The following GRM7 variants were observed in gnomAD, a reference collection of about 807,000 sequenced individuals.
GRM7 encodes the protein metabotropic glutamate receptor 7.
A neutral mutation model predicts 84.5 loss-of-function variants in GRM7; 35 were observed. That is an observed-to-expected ratio of 0.41 (90% CI 0.32 to 0.55). The LOEUF (loss-of-function observed/expected upper bound fraction) is 0.55, where lower values mean the gene tolerates loss of function less well. Among genes scored for constraint, GRM7 ranks in the 20% least tolerant of loss-of-function variants. GRM7 has a pLI of 0.19. For missense variants in GRM7, 1,003 were observed against 1,194.6 expected, an observed-to-expected ratio of 0.84 and a Z score of 2.36; for synonymous variants, 487 against 455.1, an observed-to-expected ratio of 1.07 and a Z score of -0.89.
intron 4 of GRM7, among the ~76,000 whole-genome samples, chr3:7,376,851 G>C (rs1302629668): frequency 6.6e-6 from 1 of 152,094 alleles, no homozygotes; most frequent in East Asian, 1.9e-4. Flanking sequence ...GGACAAAGAG[G>C]GTTTTTCTGT....
chr3:7,031,503 G>T (rs868230699), intron 1 of GRM7, among the ~76,000 whole-genome samples: 1 of 151,634 alleles, frequency 6.6e-6, no homozygotes, highest in Non-Finnish European at 1.5e-5. Context: ...TGCAAGCTCC[G>T]CCTCCCGGGT....
rs1001133839 is a variant in GRM7, at chr3:7,415,017, G to C, written c.1034-6G>C. On this transcript the variant is annotated splice_region_variant and splice_polypyrimidine_tract_variant and intron_variant, in intron 4 of 9. Coordinates refer to ENST00000357716, the MANE Select transcript of GRM7 (RefSeq NM_000844.4). ...AGCAATGACCTTTTCATTTAACTCT[G>C]TTTAGGGTTTGATGCCTACTTTACG... 1.9e-6 allele frequency: 3 copies of C among 1,610,232 alleles called. No individual in the cohort carries two copies. The East Asian group carries it at 6.7e-5, about 36-fold the overall frequency.
At position 7,618,249 on chromosome 3, in the gene GRM7, C is replaced by T. The variant is rs931789740; in HGVS notation, c.2451+38892C>T. On this transcript the variant is annotated intron_variant, in intron 8 of 9. Coordinates refer to ENST00000357716, the MANE Select transcript of GRM7 (RefSeq NM_000844.4). The stretch of plus-strand genomic sequence containing the variant: ...TCATCATTCTGGGCTTCAGTTTCTT[C>T]ATTTGTAACATGGAGAAATAATGTT... 3.0e-4 allele frequency among the ~76,000 whole-genome samples: 46 copies of T among 152,052 alleles called. 1 individual carries two copies. The highest frequency in any genetic ancestry group is 6.6e-5 in the Admixed American group (1 of 15,244).
chr3:7,503,811 A>G (rs969137954), intron 7 of GRM7, among the ~76,000 whole-genome samples: 1 of 152,162 alleles, frequency 6.6e-6, no homozygotes, highest in Non-Finnish European at 1.5e-5. Context: ...GCCAGACGAG[A>G]TATATAAAGA....
At chr3:7,605,670 G>C (rs534735410) in intron 8 of GRM7, among the ~76,000 whole-genome samples, 19 of 151,746 alleles carry the variant, frequency 1.3e-4, no homozygotes, top group Non-Finnish European at 2.4e-4. Context: ...TGCATCCCCA[G>C]TTGAAATCTA....
intron 2 of GRM7, among the ~76,000 whole-genome samples, chr3:7,230,206 G>A (rs1697149715): frequency 6.6e-6 from 1 of 151,992 alleles, no homozygotes; most frequent in Non-Finnish European, 1.5e-5. Context: ...TCAATTAATA[G>A]TGAAATAAAC....
chr3:6,949,069 T>C (rs1164144785), intron 1 of GRM7, among the ~76,000 whole-genome samples: 5 of 152,190 alleles, frequency 3.3e-5, no homozygotes, highest in African/African-American at 1.2e-4. Flanking sequence ...AAGGTTAGTA[T>C]TGTTATGTGT....
At chr3:7,576,205 C>A (rs190718826) in intron 7 of GRM7, among the ~76,000 whole-genome samples, 3 of 152,130 alleles carry the variant, frequency 2.0e-5, no homozygotes, top group African/African-American at 4.8e-5. Context: ...AAAGTTAATG[C>A]GATCTTTCTC....
chr3:7,076,257 C>T (rs916045184), intron 1 of GRM7, among the ~76,000 whole-genome samples: 2 of 152,110 alleles, frequency 1.3e-5, no homozygotes, highest in African/African-American at 4.8e-5. Flanking sequence ...CCATTGTTTT[C>T]TTCCTGCACC....
intron 4 of GRM7, among the ~76,000 whole-genome samples, chr3:7,350,096 C>T (rs965623877): frequency 2.0e-5 from 3 of 152,116 alleles, no homozygotes; most frequent in Non-Finnish European, 2.9e-5. Context: ...TACCTAATCA[C>T]AAAACATAAG....
intron 5 of GRM7, among the ~76,000 whole-genome samples, chr3:7,423,063 A>G (rs1696462627): frequency 6.6e-6 from 1 of 152,152 alleles, no homozygotes. Flanking sequence ...TGGACCCTGC[A>G]GTAAATAAAT....
At chr3:7,079,792 T>C (rs995204786) in intron 1 of GRM7, among the ~76,000 whole-genome samples, 9 of 152,178 alleles carry the variant, frequency 5.9e-5, no homozygotes, top group African/African-American at 1.9e-4. Context: ...ATTTTAGTTA[T>C]GTTATTTAAT....
At chr3:7,690,312 C>A (rs1301428012) in intron 9 of GRM7, among the ~76,000 whole-genome samples, 1 of 152,148 alleles carries the variant, frequency 6.6e-6, no homozygotes, top group African/African-American at 2.4e-5. Context: ...GCGCACAATA[C>A]TTCCCATACC....
chr3:7,512,445 A>T (rs1196711434), intron 7 of GRM7, among the ~76,000 whole-genome samples: 1 of 152,218 alleles, frequency 6.6e-6, no homozygotes, highest in Admixed American at 6.5e-5. Flanking sequence ...CACAGTGGGT[A>T]AAGAGAATGA....
chr3:7,539,630 G>A lies in GRM7; in HGVS notation c.1516-38792G>A, dbSNP rs562688777. Among the ~76,000 whole-genome samples the A allele has an allele frequency of 3.8e-3, 556 of 144,894 alleles. 7 individuals are homozygous for A. Among genetic ancestry groups the A allele is most frequent in the African/African-American group, 2.7e-3 (105 of 38,384 alleles). ...GTGGAGGTTGCAGTGAGTTGAGATC[G>A]CGCCACTGCACTCCAGCCTGGGCGA... On this transcript the variant is annotated intron_variant, in intron 7 of 9. Coordinates refer to ENST00000357716, the MANE Select transcript of GRM7 (RefSeq NM_000844.4).
At chr3:7,322,221 C>G (rs1159610546) in intron 4 of GRM7, among the ~76,000 whole-genome samples, 1 of 151,812 alleles carries the variant, frequency 6.6e-6, no homozygotes, top group African/African-American at 2.4e-5. Context: ...GCCAGGTATA[C>G]AAAATACCAT....
intron 2 of GRM7, among the ~76,000 whole-genome samples, chr3:7,275,984 T>TTGCTCTGGTAAGCTGTGA (rs1699037622): frequency 6.6e-6 from 1 of 152,140 alleles, no homozygotes. Context: ...TCATGAGTTT[T>TTGCTCTGGTAAGCTGTGA]TGCTCTGGTA....
chr3:7,312,854 A>T (rs1201252122), intron 4 of GRM7, among the ~76,000 whole-genome samples: 1 of 151,808 alleles, frequency 6.6e-6, no homozygotes, highest in African/African-American at 2.4e-5. Flanking sequence ...ATAAACTGTG[A>T]TTGTCCCAGC....
At position 7,325,946 on chromosome 3, in the gene GRM7, G is replaced by C. The variant is rs533848815; in HGVS notation, c.1033+19294G>C. On this transcript the variant is annotated intron_variant, in intron 4 of 9. Coordinates refer to ENST00000357716, the MANE Select transcript of GRM7 (RefSeq NM_000844.4). ...GAGAAACAGCACCAAAGCCAGACCT[G>C]AATGTGTGTTTCATCGTAATGAGTA... Among the ~76,000 whole-genome samples, 10 of 152,176 alleles carry C rather than the reference G, an allele frequency of 6.6e-5. No homozygotes were observed. In the East Asian group the frequency reaches 1.7e-3, roughly 27 times the overall value.
Sources: gnomAD v4.1 joint callset for allele counts (sites outside exome capture counted in the v4.1 genomes callset) on GRCh38, gnomAD v4.1.1 for gene constraint, MANE v1.5 for transcripts, NCBI Gene and HGNC (gene_info 2026-07-23, HGNC 2026-07-21) for gene names.